The following TMEM131 variants were observed in gnomAD, a reference collection of about 807,000 sequenced individuals.
TMEM131 encodes transmembrane protein 131.
TMEM131 carries 66 observed loss-of-function variants against 211.6 expected under a neutral mutation model. The observed-to-expected ratio is 0.31, with a 90% CI of 0.26 to 0.38. The LOEUF (loss-of-function observed/expected upper bound fraction) is 0.38, where lower values mean the gene tolerates loss of function less well. Among genes scored for constraint, TMEM131 ranks in the 10% least tolerant of loss-of-function variants. The pLI is 1.00. For synonymous variants in TMEM131, 844 were observed against 841.3 expected (o/e 1.00, Z -0.06); for missense variants, 2,036 against 2,299.3 (o/e 0.89, Z 2.34).
chr2:97,822,881 T>C (rs1034628055), intron 11 of TMEM131, among the ~76,000 whole-genome samples: 4 of 152,088 alleles, frequency 2.6e-5, no homozygotes, highest in Non-Finnish European at 5.9e-5. Flanking sequence ...TTGGGACCAA[T>C]TTGACCCATA....
At chr2:97,773,291 G>A (rs951168200) in intron 32 of TMEM131, among the ~76,000 whole-genome samples, 2 of 152,172 alleles carry the variant, frequency 1.3e-5, no homozygotes, top group African/African-American at 2.4e-5. Context: ...CGGGTCACCC[G>A]CTTGGTGCCA....
chr2:97,830,778 C>T (rs185104690), intron 11 of TMEM131, among the ~76,000 whole-genome samples: 15 of 152,186 alleles, frequency 9.9e-5, no homozygotes, highest in Non-Finnish European at 1.8e-4. Flanking sequence ...TTTGGACCTG[C>T]GCATCCTGTC....
At chr2:97,964,031 T>C (rs1475698868) in intron 1 of TMEM131, among the ~76,000 whole-genome samples, 5 of 152,204 alleles carry the variant, frequency 3.3e-5, no homozygotes, top group Non-Finnish European at 7.3e-5. Flanking sequence ...ACAGTAATAT[T>C]CTAATACTCC....
intron 1 of TMEM131, among the ~76,000 whole-genome samples, chr2:97,974,432 G>A (rs564087383): frequency 1.3e-5 from 2 of 151,970 alleles, no homozygotes; most frequent in African/African-American, 2.4e-5. Flanking sequence ...CAGGAAAAAT[G>A]TTTAAAGAAA....
In TMEM131 at chr2:97,792,984, G is replaced by A; in HGVS notation, c.3546C>T (p.Asn1182=). 2 of 1,538,028 alleles carry A rather than the reference G, an allele frequency of 1.3e-6. No homozygotes were observed. Among genetic ancestry groups the A allele is most frequent in the Non-Finnish European group, 1.7e-6 (2 of 1,145,944 alleles). ...CGGGGTCACAGCTGAGTGTGTTCAA[G>A]CTGAAAAAGGGACCAACTGCAGATC... is the stretch of plus-strand genomic sequence containing the variant. The part of the protein sequence containing the change: ...RRIVGISSEG[N]LNTLSCDPGH... The change falls in exon 31 of 41, where the codon AAC becomes AAT. Residue 1182 remains asparagine (N), a splice_region_variant and synonymous_variant. Coordinates refer to ENST00000186436, the MANE Select transcript of TMEM131 (RefSeq NM_015348.2).
At chr2:97,872,846 C>CT (rs917740741) in intron 4 of TMEM131, among the ~76,000 whole-genome samples, 10 of 152,048 alleles carry the variant, frequency 6.6e-5, no homozygotes, top group Non-Finnish European at 1.2e-4. Context: ...TTCATGAGTT[C>CT]TTTTTTTTCC....
At chr2:97,788,479 G>A (rs1680351538) in intron 31 of TMEM131, among the ~76,000 whole-genome samples, 1 of 152,154 alleles carries the variant, frequency 6.6e-6, no homozygotes, top group African/African-American at 2.4e-5. Flanking sequence ...AAGTTCAAGT[G>A]AAAACCCGTA....
chr2:97,757,842 A>C (rs1194615566), intron 40 of TMEM131, among the ~76,000 whole-genome samples: 1 of 152,232 alleles, frequency 6.6e-6, no homozygotes, highest in Non-Finnish European at 1.5e-5. Context: ...TCAGAGCCTC[A>C]AATAGTTACT....
chr2:97,844,355 T>C, intron 5 of TMEM131, 94 bp from the exon 6 acceptor site: 1 of 398,936 alleles, frequency 2.5e-6, no homozygotes, highest in East Asian at 3.8e-5. Context: ...TTCCATAAAC[T>C]AGTTTTTCCT....
chr2:97,780,959 G>A (rs1007308622), intron 31 of TMEM131, among the ~76,000 whole-genome samples: 74 of 152,236 alleles, frequency 4.9e-4, no homozygotes, highest in African/African-American at 1.6e-3. Flanking sequence ...AGCCAGGTTC[G>A]TCGGGTTCAC....
Position 97,805,076 on chromosome 2 carries a change from T to G in TMEM131, c.2402+12A>C, listed in dbSNP as rs760463980. On this transcript the variant is annotated intron_variant, in intron 22 of 40. Coordinates refer to ENST00000186436, the MANE Select transcript of TMEM131 (RefSeq NM_015348.2). The stretch of plus-strand genomic sequence containing the variant: ...TAAAGATGGCTAAAATAAATAAACA[T>G]AAACCACTCACCTATGACCTGAATT... 7.7e-6 allele frequency: 12 copies of G among 1,561,842 alleles called. No homozygotes were observed. The highest frequency in any genetic ancestry group is 1.0e-5 in the Non-Finnish European group (12 of 1,146,768).
At chr2:97,802,124 T>C (rs960903356) in intron 24 of TMEM131, among the ~76,000 whole-genome samples, 163 bp from the exon 25 acceptor site, 7 of 152,222 alleles carry the variant, frequency 4.6e-5, no homozygotes, top group Admixed American at 4.6e-4. Context: ...AGGCCACAAC[T>C]TGTAATTAAT....
intron 11 of TMEM131, among the ~76,000 whole-genome samples, chr2:97,831,082 G>C (rs1029653504): frequency 4.1e-4 from 62 of 152,186 alleles, no homozygotes; most frequent in Admixed American, 4.1e-3. Flanking sequence ...CCCCATAGCT[G>C]ATAAGGTGGG....
intron 31 of TMEM131, 30 bp from the exon 32 acceptor site, chr2:97,776,048 C>A: frequency 6.3e-7 from 1 of 1,585,270 alleles, no homozygotes; most frequent in Non-Finnish European, 8.5e-7. Context: ...TAAAAGAACT[C>A]TTGTTTTTGT....
At chr2:97,886,283 TA>T (rs1675153281) in intron 4 of TMEM131, among the ~76,000 whole-genome samples, 2 of 152,224 alleles carry the variant, frequency 1.3e-5, no homozygotes, top group Admixed American at 6.5e-5. Context: ...TGGGGTCTGT[TA>T]CTGAAGAATT....
At chr2:97,797,614 A>G in intron 25 of TMEM131, 98 bp from the exon 26 acceptor site, 1 of 1,087,866 alleles carries the variant, frequency 9.2e-7, no homozygotes, top group Admixed American at 2.6e-5. Flanking sequence ...TAGTTTCTCA[A>G]ACTGATTAAA....
intron 5 of TMEM131, among the ~76,000 whole-genome samples, chr2:97,844,744 T>C (rs962455188): frequency 1.3e-5 from 2 of 152,234 alleles, no homozygotes; most frequent in Non-Finnish European, 2.9e-5. Flanking sequence ...GGTGAATGTA[T>C]GTGCAGGAAC....
chr2:97,848,312 T>C (rs1683540342), intron 5 of TMEM131, among the ~76,000 whole-genome samples: 1 of 152,318 alleles, frequency 6.6e-6, no homozygotes, highest in Non-Finnish European at 1.5e-5. Flanking sequence ...TAGCTAAAAA[T>C]GGACTGTAGA....
intron 11 of TMEM131, among the ~76,000 whole-genome samples, chr2:97,825,194 A>G (rs1682318880): frequency 2.0e-5 from 3 of 152,194 alleles, no homozygotes; most frequent in African/African-American, 7.2e-5. Flanking sequence ...CCACTTCTCA[A>G]GTCCAGGCAC....
Sources: allele counts gnomAD v4.1 joint callset (sites outside exome capture counted in the v4.1 genomes callset), GRCh38; gene constraint gnomAD v4.1.1; transcripts MANE v1.5; gene names NCBI Gene and HGNC (gene_info 2026-07-23, HGNC 2026-07-21).